The following CPED1 variants were observed in gnomAD, a reference collection of about 807,000 sequenced individuals.
CPED1 encodes the protein cadherin like and PC-esterase domain containing 1.
Under a neutral mutation model 128.2 loss-of-function variants are expected in CPED1, and 114 were observed. The ratio of observed to expected loss-of-function variants is 0.89; its 90% CI spans 0.76 to 1.04. The LOEUF (loss-of-function observed/expected upper bound fraction) is 1.04. Among genes scored for constraint, CPED1 ranks in the 50% least tolerant of loss-of-function variants. The pLI, the probability that CPED1 is intolerant of heterozygous loss-of-function variation, is 0.00. For synonymous variants in CPED1, 462 were observed against 426.7 expected, an observed-to-expected ratio of 1.08 and a Z score of -1.02; for missense variants, 1,211 against 1,207.1, an observed-to-expected ratio of 1.00 and a Z score of -0.05.
chr7:121,013,673 A>G (rs1000695400), intron 2 of CPED1, among the ~76,000 whole-genome samples: 2 of 152,244 alleles, frequency 1.3e-5, no homozygotes, highest in African/African-American at 4.8e-5. Context: ...TGGTGCAGCC[A>G]GGTGATTTGA....
chr7:121,006,068 C>T (rs151277650), intron 2 of CPED1, among the ~76,000 whole-genome samples: 17 of 152,198 alleles, frequency 1.1e-4, no homozygotes, highest in African/African-American at 2.9e-4. Context: ...TTTGGTCGAC[C>T]GCATGATGCT....
intron 3 of CPED1, among the ~76,000 whole-genome samples, chr7:121,042,225 A>G (rs551492377): frequency 1.3e-5 from 2 of 152,246 alleles, no homozygotes; most frequent in East Asian, 3.9e-4. Flanking sequence ...CTGCGAGGTA[A>G]GTACTAGCTC....
intron 16 of CPED1, among the ~76,000 whole-genome samples, chr7:121,157,594 C>A (rs565192314): frequency 2.2e-4 from 33 of 152,182 alleles, no homozygotes; most frequent in African/African-American, 7.2e-4. Flanking sequence ...ACATCTAACA[C>A]CTCACCCTGC....
Position 121,224,588 on chromosome 7 carries a change from A to G in CPED1, c.2056-12126A>G, listed in dbSNP as rs1797957340. Among the ~76,000 whole-genome samples, 3 of 152,072 alleles carry G rather than the reference A, an allele frequency of 2.0e-5. No individual in the cohort carries two copies. In the South Asian group the frequency reaches 6.2e-4, roughly 32 times the overall value. On this transcript the variant is annotated intron_variant, in intron 16 of 22. Transcript: ENST00000310396. ...AAAGTCTCCCATTATAATGGTATGGAAATCTAAGTCTCTTTGTAGGTCACT... is the reference window on the plus strand; with the variant it reads ...AAAGTCTCCCATTATAATGGTATGGGAATCTAAGTCTCTTTGTAGGTCACT...
chr7:121,121,139 A>G (rs990247713), intron 7 of CPED1, among the ~76,000 whole-genome samples: 5 of 152,168 alleles, frequency 3.3e-5, no homozygotes, highest in Non-Finnish European at 5.9e-5. Context: ...CCCAGAACAT[A>G]ACATGGGAGG....
chr7:121,167,214 C>T (rs554613954), intron 16 of CPED1, among the ~76,000 whole-genome samples: 2 of 152,126 alleles, frequency 1.3e-5, no homozygotes, highest in South Asian at 2.1e-4. Flanking sequence ...TATTGCAGTC[C>T]GTTTGAAGTT....
chr7:121,024,546 A>T (rs112682023), intron 3 of CPED1, among the ~76,000 whole-genome samples: 1,807 of 152,286 alleles, frequency 0.012, 18 homozygotes, highest in Non-Finnish European at 0.019. Context: ...AATTGTCTAA[A>T]GCTGGGAAAT....
chr7:121,176,164 C>A (rs1437469707), intron 16 of CPED1, among the ~76,000 whole-genome samples: 1 of 70,552 alleles, frequency 1.4e-5, no homozygotes, highest in Non-Finnish European at 2.8e-5. Context: ...AAACAATAGA[C>A]AAACAATATC....
chr7:121,150,768 A>G (rs1796139766), intron 16 of CPED1, among the ~76,000 whole-genome samples: 2 of 151,104 alleles, frequency 1.3e-5, no homozygotes, highest in Non-Finnish European at 2.9e-5. Flanking sequence ...TATTATTATT[A>G]TTATTATTAT....
At chr7:120,996,961 A>C (rs969554584) in intron 2 of CPED1, among the ~76,000 whole-genome samples, 1 of 152,214 alleles carries the variant, frequency 6.6e-6, no homozygotes, top group Non-Finnish European at 1.5e-5. Context: ...ATGTTCCAAC[A>C]TACTTTTCCA....
intron 4 of CPED1, among the ~76,000 whole-genome samples, chr7:121,060,390 A>C (rs1273542863): frequency 6.6e-6 from 1 of 152,242 alleles, no homozygotes; most frequent in Non-Finnish European, 1.5e-5. Context: ...GGGTGAAGCC[A>C]GCTGAGCTCC....
chr7:121,016,458 TG>T (rs1282685101), intron 3 of CPED1, among the ~76,000 whole-genome samples: 1 of 152,214 alleles, frequency 6.6e-6, no homozygotes, highest in East Asian at 1.9e-4. Context: ...GCAGATTCCA[TG>T]CTATATTCTG....
chr7:121,253,242 C>G (rs1171921416), intron 18 of CPED1, among the ~76,000 whole-genome samples: 2 of 142,140 alleles, frequency 1.4e-5, no homozygotes, highest in Non-Finnish European at 1.5e-5. Context: ...TGTTCTCACT[C>G]ATAGGTGGGA....
At chr7:121,000,506 T>C (rs1791821444) in intron 2 of CPED1, among the ~76,000 whole-genome samples, 1 of 152,146 alleles carries the variant, frequency 6.6e-6, no homozygotes, top group Non-Finnish European at 1.5e-5. Flanking sequence ...ATTAAAATAA[T>C]TATCAAGAAG....
intron 21 of CPED1, among the ~76,000 whole-genome samples, chr7:121,267,661 C>G (rs798914): frequency 0.63 from 95,010 of 151,832 alleles, 32,318 homozygotes; most frequent in African/African-American, 0.88. Flanking sequence ...TCAATGAAAA[C>G]AGTAGGGGTC....
rs561130639 is a variant in CPED1 at position 121,084,868 on chromosome 7, C to A, written c.617-12831C>A. On this transcript the variant is annotated intron_variant, in intron 5 of 22. Transcript: ENST00000310396. ...GAGAATGAATGCCTAACCATTTAAACAGATGTTAGACTTTATACCTTACCA... is the reference window on the plus strand; with the variant it reads ...GAGAATGAATGCCTAACCATTTAAAAAGATGTTAGACTTTATACCTTACCA... Among the ~76,000 whole-genome samples, 7 of 152,294 alleles carry A rather than the reference C, an allele frequency of 4.6e-5. No homozygotes were observed. In the South Asian group the frequency reaches 1.4e-3, roughly 32 times the overall value.
intron 16 of CPED1, among the ~76,000 whole-genome samples, chr7:121,146,011 C>G (rs748818871): frequency 2.0e-5 from 3 of 152,154 alleles, no homozygotes; most frequent in East Asian, 1.9e-4. Flanking sequence ...TAGATTTTGG[C>G]CTAATGAACC....
At chr7:121,098,141 C>T (rs902242254) in intron 6 of CPED1, among the ~76,000 whole-genome samples, 2 of 152,100 alleles carry the variant, frequency 1.3e-5, no homozygotes, top group Non-Finnish European at 2.9e-5. Flanking sequence ...ATTTTATACT[C>T]AAATGACTTT....
intron 18 of CPED1, among the ~76,000 whole-genome samples, chr7:121,254,883 T>G (rs755009842): frequency 6.6e-6 from 1 of 150,378 alleles, no homozygotes; most frequent in African/African-American, 2.5e-5. Flanking sequence ...TAGACCAATA[T>G]TGAGCTCTGA....
Sources: gnomAD v4.1 joint callset for allele counts (sites outside exome capture counted in the v4.1 genomes callset) on GRCh38, gnomAD v4.1.1 for gene constraint, MANE v1.5 for transcripts, NCBI Gene and HGNC (gene_info 2026-07-23, HGNC 2026-07-21) for gene names.